NR2C1: variants seen among roughly 807,000 people sequenced by gnomAD.
NR2C1 encodes TR2 nuclear hormone receptor.
A neutral mutation model predicts 74.8 loss-of-function variants in NR2C1; 33 were observed. The ratio of observed to expected loss-of-function variants is 0.44; its 90% confidence interval spans 0.33 to 0.59. The LOEUF is 0.59. Among genes scored for constraint, NR2C1 ranks in the 20% least tolerant of loss-of-function variants. NR2C1 has a pLI of 0.02. For synonymous variants in NR2C1, 225 were observed against 240.6 expected (o/e 0.94, Z 0.60); for missense variants, 568 against 715.6 (o/e 0.79, Z 2.35).
At chr12:95,028,342 A>G in intron 12 of NR2C1, 45 bp downstream of exon 12, 4 of 1,528,962 alleles carry the variant, frequency 2.6e-6, no homozygotes, top group African/African-American at 2.8e-5. Context: ...ATTTCTCCAC[A>G]TCGTGAAACA....
At chr12:95,049,788 A>G (rs939952858) in intron 8 of NR2C1, among the ~76,000 whole-genome samples, 1 of 152,178 alleles carries the variant, frequency 6.6e-6, no homozygotes, top group Non-Finnish European at 1.5e-5. Flanking sequence ...AAAAATTCAG[A>G]AAACATTTTA....
chr12:95,021,661 T>C lies in NR2C1; in HGVS notation c.*568A>G, dbSNP rs574944366. On this transcript the variant is annotated 3_prime_UTR_variant, in exon 14 of 14. Transcript: ENST00000333003. ...CACTGCCAGCAATGAGAGTAGTATA[T>C]GCTAAGGGACACCATGATATTTAGA... 2.6e-5 allele frequency: 4 copies of C among 152,422 alleles called. No individual in the cohort carries two copies. The highest frequency in any genetic ancestry group is 7.2e-5 in the African/African-American group (3 of 41,582). The allele number at this position is 152,422 out of a possible 1,614,324, so 9.4% of individuals were successfully genotyped here.
chr12:95,063,674 CAAA>C (rs34653320), intron 2 of NR2C1, among the ~76,000 whole-genome samples: 2 of 139,354 alleles, frequency 1.4e-5, no homozygotes, highest in Admixed American at 7.3e-5. Flanking sequence ...GACCCTGTCT[CAAA>C]AAAAAAAAAG....
intron 9 of NR2C1, among the ~76,000 whole-genome samples, chr12:95,048,644 G>C (rs1382976830): frequency 3.3e-5 from 4 of 122,172 alleles, no homozygotes; most frequent in Non-Finnish European, 6.5e-5. Context: ...TTTTTTTTGA[G>C]ACAGAGTTTT....
intron 7 of NR2C1, among the ~76,000 whole-genome samples, chr12:95,055,542 T>A (rs146965181): frequency 6.6e-6 from 1 of 152,212 alleles, no homozygotes; most frequent in Non-Finnish European, 1.5e-5. Context: ...ATATAGCTAG[T>A]AAGTGGTAGA....
chr12:95,072,744 G>C (rs1876890703), intron 1 of NR2C1: 1 of 152,270 alleles, frequency 6.6e-6, no homozygotes, highest in Non-Finnish European at 1.5e-5. Flanking sequence ...TCGGAAGCTT[G>C]GACATGCCCC....
chr12:95,071,015 C>T (rs1293251786), intron 1 of NR2C1, among the ~76,000 whole-genome samples: 2 of 152,180 alleles, frequency 1.3e-5, no homozygotes, highest in Non-Finnish European at 2.9e-5. Flanking sequence ...GCCTGGCCAA[C>T]ATGGTGAAAC....
intron 11 of NR2C1, 70 bp downstream of exon 11, chr12:95,031,279 T>A (rs1481099606): frequency 7.8e-7 from 1 of 1,283,876 alleles, no homozygotes; most frequent in East Asian, 2.6e-5. Flanking sequence ...TATCTAACTT[T>A]AGTCATAACA....
At chr12:95,053,251 G>C (rs912070833) in intron 7 of NR2C1, among the ~76,000 whole-genome samples, 4 of 152,158 alleles carry the variant, frequency 2.6e-5, no homozygotes, top group African/African-American at 9.7e-5. Flanking sequence ...TGGGATTACA[G>C]ACATGAGCCA....
Position 95,031,360 on chromosome 12 carries a change from C to T in NR2C1, c.1382G>A (p.Ser461Asn). The T allele has an allele frequency of 6.3e-7, 1 of 1,597,410 alleles. No homozygotes were observed. The highest frequency in any genetic ancestry group is 8.5e-7 in the Non-Finnish European group (1 of 1,173,720). Residue 461 changes from serine (S) to asparagine (N), a missense_variant, in exon 11 of 14, where the codon AGT (serine) becomes AAT (asparagine). Around this residue, in one of 6 missense-constraint regions of NR2C1, gnomAD observed 117 missense variants for 186.7 expected, o/e 0.63. Coordinates refer to ENST00000333003, the MANE Select transcript of NR2C1 (RefSeq NM_003297.4). ...AAGGTGCTTTTTACCTTGTTGAAGA[C>T]TATTGTGAAGACAATTGACAAATGT... ...LATFVNCLHN[S>N]LQQDKMSTER... is the part of the protein sequence containing the mutation.
chr12:95,040,051 C>T (rs1425961029), intron 10 of NR2C1, among the ~76,000 whole-genome samples: 1 of 149,978 alleles, frequency 6.7e-6, no homozygotes, highest in Non-Finnish European at 1.5e-5. Flanking sequence ...AAACAATTAT[C>T]TCTACTTTTA....
chr12:95,059,506 G>A (rs974945356), intron 4 of NR2C1, among the ~76,000 whole-genome samples: 5 of 152,024 alleles, frequency 3.3e-5, no homozygotes, highest in African/African-American at 1.2e-4. Context: ...GAGGTCACGA[G>A]TTTGAGACCA....
intron 9 of NR2C1, 95 bp downstream of exon 9, chr12:95,048,973 G>C: frequency 8.7e-7 from 1 of 1,151,144 alleles, no homozygotes; most frequent in Non-Finnish European, 1.3e-6. Flanking sequence ...GGATATTTCT[G>C]ACTTTAAAAG....
chr12:95,055,250 A>G (rs1873667052), intron 7 of NR2C1, among the ~76,000 whole-genome samples: 1 of 152,230 alleles, frequency 6.6e-6, no homozygotes, highest in Non-Finnish European at 1.5e-5. Context: ...AATTTAATAC[A>G]AAGATATACA....
chr12:95,071,201 CA>C (rs779085122), intron 1 of NR2C1, among the ~76,000 whole-genome samples: 7,551 of 94,000 alleles, frequency 0.08, 233 homozygotes, highest in Middle Eastern at 0.17. Flanking sequence ...AACTCCGTCT[CA>C]AAAAAAAAAA....
chr12:95,022,057 T>C lies in NR2C1; in HGVS notation c.*172A>G, dbSNP rs901940704. The C allele has an allele frequency of 2.1e-6, 1 of 482,064 alleles. No individual in the cohort carries two copies. Among genetic ancestry groups the C allele is most frequent in the African/African-American group, 2.0e-5 (1 of 49,432 alleles). The allele number at this position is 482,064 out of a possible 1,614,324, so 29.9% of individuals were successfully genotyped here. A position where few individuals can be genotyped will look rare whatever the true frequency, so the allele number is the denominator to read the frequency against. ...GAAGAAAAATTCATTTAATTTCTGC[T>C]GCCTGCCCAGTCACTTCAAAAATTC... On this transcript the variant is annotated 3_prime_UTR_variant, in exon 14 of 14. Transcript: ENST00000333003.
chr12:95,035,238 T>C (rs1330034848), intron 10 of NR2C1, among the ~76,000 whole-genome samples: 2 of 152,196 alleles, frequency 1.3e-5, no homozygotes, highest in Non-Finnish European at 2.9e-5. Flanking sequence ...AACATTCTAG[T>C]AGGACACCAA....
intron 9 of NR2C1, among the ~76,000 whole-genome samples, chr12:95,047,827 T>C (rs1170637843): frequency 6.6e-6 from 1 of 152,226 alleles, no homozygotes; most frequent in Admixed American, 6.5e-5. Context: ...GTCCAAGCAT[T>C]ATTTGAATGA....
chr12:95,070,495 T>A (rs185413500), intron 1 of NR2C1, among the ~76,000 whole-genome samples: 24 of 152,304 alleles, frequency 1.6e-4, no homozygotes, highest in Non-Finnish European at 3.1e-4. Flanking sequence ...CCTAGAAAAG[T>A]AATTTGCCAA....
Sources: gnomAD v4.1 joint callset for allele counts (sites outside exome capture counted in the v4.1 genomes callset) on GRCh38, gnomAD v4.1.1 for gene constraint, gnomAD v4.1.1 regional missense constraint, MANE v1.5 for transcripts, NCBI Gene and HGNC (gene_info 2026-07-23, HGNC 2026-07-21) for gene names.